CMSS1: variants seen among roughly 807,000 people sequenced by gnomAD.
CMSS1 encodes the protein cms1 ribosomal small subunit homolog, also known as protein CMSS1.
CMSS1 carries 33 observed loss-of-function variants against 43.5 expected under a neutral mutation model. That is an observed-to-expected ratio of 0.76 (90% CI 0.57 to 1.01). CMSS1 has a LOEUF of 1.01. Among genes scored for constraint, CMSS1 ranks in the 50% least tolerant of loss-of-function variants. The pLI, the probability that CMSS1 is intolerant of heterozygous loss-of-function variation, is 0.00. For missense variants in CMSS1, 313 were observed against 326.4 expected, an observed-to-expected ratio of 0.96 and a Z score of 0.32; for synonymous variants, 115 against 117.2, an observed-to-expected ratio of 0.98 and a Z score of 0.12.
chr3:99,940,695 A>G lies in CMSS1; in HGVS notation c.64+122652A>G, dbSNP rs1478948817. Among the ~76,000 whole-genome samples the G allele has an allele frequency of 2.0e-5, 3 of 152,318 alleles. No individual in the cohort carries two copies. The East Asian group carries it at 5.8e-4, about 29-fold the overall frequency. On this transcript the variant is annotated intron_variant, in intron 1 of 9. Transcript: ENST00000421999. ...AAATGCACCTTTCAGAGAACCCGAA[A>G]TTTCCTACAAATTTTTATTTTTGTG...
intron 1 of CMSS1, among the ~76,000 whole-genome samples, chr3:99,941,842 G>A (rs1361226146): frequency 1.3e-5 from 2 of 152,102 alleles, no homozygotes; most frequent in African/African-American, 4.8e-5. Flanking sequence ...TTTTTCAGAA[G>A]AGAAAAGGGG....
intron 1 of CMSS1, among the ~76,000 whole-genome samples, chr3:99,923,180 T>G (rs900965917): frequency 6.6e-6 from 1 of 152,088 alleles, no homozygotes; most frequent in East Asian, 1.9e-4. Flanking sequence ...CCTTTCAACA[T>G]TCTCTCTTCT....
Position 100,097,943 on chromosome 3 carries a change from A to G in CMSS1, c.65-49030A>G, listed in dbSNP as rs145615136. 5.5e-3 allele frequency among the ~76,000 whole-genome samples: 839 copies of G among 152,300 alleles called. 9 individuals carry two copies. The highest frequency in any genetic ancestry group is 5.5e-3 in the Non-Finnish European group (375 of 68,026). On this transcript the variant is annotated intron_variant, in intron 1 of 9. Transcript: ENST00000421999. ...TATCATTTATTTTGTTGGTTTTTTAAAATTTCATCAACGGTAGCATATCTG... is the reference window on the plus strand; with the variant it reads ...TATCATTTATTTTGTTGGTTTTTTAGAATTTCATCAACGGTAGCATATCTG...
intron 1 of CMSS1, among the ~76,000 whole-genome samples, chr3:99,907,561 G>T (rs1233473481): frequency 6.6e-6 from 1 of 152,000 alleles, no homozygotes; most frequent in East Asian, 1.9e-4. Context: ...CCTTTATTTT[G>T]ACATCTGCAG....
chr3:100,160,311 A>C, intron 2 of CMSS1, 119 bp from the exon 3 acceptor site: 1 of 637,236 alleles, frequency 1.6e-6, no homozygotes, highest in Non-Finnish European at 2.9e-6. Flanking sequence ...CTTTCTGTAG[A>C]ATATTACCAA....
At chr3:100,013,131 C>T (rs1303060628) in intron 1 of CMSS1, among the ~76,000 whole-genome samples, 1 of 152,100 alleles carries the variant, frequency 6.6e-6, no homozygotes, top group Non-Finnish European at 1.5e-5. Context: ...CCCACCTTGG[C>T]CTCCCAAAGT....
chr3:99,995,618 C>A (rs1709655452), intron 1 of CMSS1, among the ~76,000 whole-genome samples: 1 of 152,240 alleles, frequency 6.6e-6, no homozygotes, highest in African/African-American at 2.4e-5. Context: ...TATGAGCGCC[C>A]TTCCCCTGCA....
At chr3:100,056,587 C>CTA (rs1454607974) in intron 1 of CMSS1, among the ~76,000 whole-genome samples, 1 of 151,904 alleles carries the variant, frequency 6.6e-6, no homozygotes, top group Admixed American at 6.6e-5. Flanking sequence ...TTGTGATTAA[C>CTA]AAGTTTGTCA....
intron 1 of CMSS1, among the ~76,000 whole-genome samples, chr3:100,030,651 C>A (rs1383672907): frequency 6.6e-6 from 1 of 152,078 alleles, no homozygotes; most frequent in African/African-American, 2.4e-5. Context: ...AATCATTGTC[C>A]CCACAACTAA....
chr3:99,994,649 C>T (rs890030805), intron 1 of CMSS1, among the ~76,000 whole-genome samples: 1 of 152,084 alleles, frequency 6.6e-6, no homozygotes, highest in Non-Finnish European at 1.5e-5. Context: ...GTGTATTAGT[C>T]CATTTTCACA....
chr3:100,076,343 T>C (rs1390131392), intron 1 of CMSS1, among the ~76,000 whole-genome samples: 3 of 152,218 alleles, frequency 2.0e-5, no homozygotes, highest in African/African-American at 7.2e-5. Context: ...AAAGCCAAAG[T>C]CCAGGTGCTT....
intron 1 of CMSS1, among the ~76,000 whole-genome samples, chr3:100,058,824 A>G (rs2065509883): frequency 6.6e-6 from 1 of 152,244 alleles, no homozygotes. Flanking sequence ...CCACAGTTTC[A>G]TATGTGAAGT....
At chr3:100,059,242 A>T (rs564509294) in intron 1 of CMSS1, among the ~76,000 whole-genome samples, 19 of 152,362 alleles carry the variant, frequency 1.2e-4, no homozygotes, top group Non-Finnish European at 2.5e-4. Context: ...CCTTTAAAAA[A>T]TACAATGCCT....
chr3:99,924,173 A>G (rs73858965), intron 1 of CMSS1: 6 of 1,405,406 alleles, frequency 4.3e-6, no homozygotes, highest in Non-Finnish European at 6.0e-6. Context: ...GAGACCTGGT[A>G]CAGTGGCCAG....
chr3:100,175,406 T>C (rs766729052), intron 8 of CMSS1, among the ~76,000 whole-genome samples: 1 of 152,216 alleles, frequency 6.6e-6, no homozygotes, highest in Non-Finnish European at 1.5e-5. Flanking sequence ...AATATTATGC[T>C]CAGTTTCATT....
At chr3:100,051,747 G>A (rs945757133) in intron 1 of CMSS1, among the ~76,000 whole-genome samples, 6 of 151,320 alleles carry the variant, frequency 4.0e-5, no homozygotes, top group Admixed American at 6.6e-5. Flanking sequence ...TCTTAATCTA[G>A]TCGATCATTG....
chr3:99,854,969 G>C (rs1052286846), intron 1 of CMSS1, among the ~76,000 whole-genome samples: 3 of 152,120 alleles, frequency 2.0e-5, no homozygotes, highest in African/African-American at 7.2e-5. Flanking sequence ...AGTAGGTCTG[G>C]GGTGGGCCTC....
At position 100,093,247 on chromosome 3, in the gene CMSS1, C is replaced by A. The variant is rs1031951632; in HGVS notation, c.65-53726C>A. On this transcript the variant is annotated intron_variant, in intron 1 of 9. Transcript: ENST00000421999. ...CAGCTTATGTCATTAGATATTAGTTCTGTGTTTTTATAGCTGATGTCTTCT... is the reference window on the plus strand; with the variant it reads ...CAGCTTATGTCATTAGATATTAGTTATGTGTTTTTATAGCTGATGTCTTCT... 1.8e-4 allele frequency among the ~76,000 whole-genome samples: 27 copies of A among 152,150 alleles called. 1 individual carries two copies. The highest frequency in any genetic ancestry group is 6.5e-4 in the African/African-American group (27 of 41,524).
intron 2 of CMSS1, among the ~76,000 whole-genome samples, chr3:100,154,153 A>G (rs531437371): frequency 1.1e-4 from 16 of 152,164 alleles, no homozygotes; most frequent in African/African-American, 3.6e-4. Flanking sequence ...GCCTGGGACT[A>G]TTTCTTGTTT....
Sources: gnomAD v4.1 joint callset for allele counts (sites outside exome capture counted in the v4.1 genomes callset) on GRCh38, gnomAD v4.1.1 for gene constraint, MANE v1.5 for transcripts, NCBI Gene and HGNC (gene_info 2026-07-23, HGNC 2026-07-21) for gene names.